Variants in C10orf67 observed in about 807,000 individuals in gnomAD.
C10orf67 encodes the protein uncharacterized protein C10orf67, mitochondrial.
In C10orf67, 60 loss-of-function variants were observed where a neutral mutation model predicts 35.6. That is an observed-to-expected ratio of 1.68 (90% CI 1.37 to 2.09). C10orf67 has a LOEUF of 2.09. Among genes scored for constraint, C10orf67 ranks in the 30% most tolerant of loss-of-function variants. The probability of loss-of-function intolerance (pLI) is 0.00; values close to 1 mark genes in which losing one functional copy is unlikely to be tolerated. For synonymous variants in C10orf67, 167 were observed against 115.8 expected, an observed-to-expected ratio of 1.44 and a Z score of -2.84; for missense variants, 474 against 330.2, an observed-to-expected ratio of 1.44 and a Z score of -3.38.
chr10:23,229,407 G>A (rs183981319), intron 13 of C10orf67, among the ~76,000 whole-genome samples: 391 of 131,718 alleles, frequency 3.0e-3, no homozygotes, highest in African/African-American at 0.01. Context: ...CACAGGAAGG[G>A]GGACATCATA....
At chr10:23,237,385 A>G (rs900548520) in intron 13 of C10orf67, among the ~76,000 whole-genome samples, 9 of 152,256 alleles carry the variant, frequency 5.9e-5, no homozygotes, top group Admixed American at 2.6e-4. Flanking sequence ...GCAGTTAAAC[A>G]CACACACTTC....
chr10:23,287,109 G>T (rs1460396630), intron 7 of C10orf67, among the ~76,000 whole-genome samples: 1 of 152,168 alleles, frequency 6.6e-6, no homozygotes, highest in Non-Finnish European at 1.5e-5. Context: ...ATTCTTCACA[G>T]AATTAGTAAA....
intron 13 of C10orf67, among the ~76,000 whole-genome samples, chr10:23,236,603 C>T (rs1451940721): frequency 2.0e-5 from 3 of 151,986 alleles, no homozygotes; most frequent in Non-Finnish European, 2.9e-5. Context: ...TTTGGCCGGG[C>T]GTGGTGGCTC....
chr10:23,205,248 C>T (rs1347971652), intron 15 of C10orf67, among the ~76,000 whole-genome samples: 1 of 152,156 alleles, frequency 6.6e-6, no homozygotes, highest in African/African-American at 2.4e-5. Flanking sequence ...TTTTCTTACT[C>T]AAAGCTTTCT....
chr10:23,323,282 C>T (rs2132346484), intron 2 of C10orf67, among the ~76,000 whole-genome samples: 1 of 152,234 alleles, frequency 6.6e-6, no homozygotes, highest in Middle Eastern at 3.4e-3. Flanking sequence ...TGACTAAGAA[C>T]CATTTGTAAT....
intron 13 of C10orf67, among the ~76,000 whole-genome samples, chr10:23,226,209 T>C (rs893139719): frequency 2.6e-5 from 4 of 152,228 alleles, no homozygotes; most frequent in South Asian, 4.2e-4. Flanking sequence ...CCTCAGCAAA[T>C]GTAAAAGAAC....
rs1323359262 is a variant in C10orf67 at position 23,267,240 on chromosome 10, T to C, written c.990A>G (p.Lys330=). ...SLVQDVINKQ[K]EDKEMRKKYG... is the part of the protein sequence containing the mutation. ...ACTTTTTTCTCATTTCCTTGTCCTC[T>C]TTCTGTTTATTAATCTGTAAAATTG... Residue 330 remains lysine (K), a synonymous_variant, in exon 9 of 16, where the codon AAA becomes AAG. Transcript: ENST00000636213. The C allele has an allele frequency of 1.4e-6, 1 of 715,896 alleles. No individual in the cohort carries two copies. The highest frequency in any genetic ancestry group is 1.5e-5 in the South Asian group (1 of 67,388). 44.3% of individuals were successfully genotyped at this position (715,896 alleles called of 1,614,324 possible). A position where few individuals can be genotyped will look rare whatever the true frequency, so the allele number is the denominator to read the frequency against.
intron 1 of C10orf67, among the ~76,000 whole-genome samples, chr10:23,337,810 G>T (rs1588713850): frequency 1.3e-5 from 2 of 152,062 alleles, no homozygotes; most frequent in African/African-American, 4.8e-5. Context: ...CCTCAAGCCT[G>T]ATTCACAGAT....
At chr10:23,214,277 A>G (rs1488070333) in intron 15 of C10orf67, among the ~76,000 whole-genome samples, 1 of 152,174 alleles carries the variant, frequency 6.6e-6, no homozygotes, top group East Asian at 1.9e-4. Context: ...ACAATAAATT[A>G]GAAGAATAAA....
intron 5 of C10orf67, among the ~76,000 whole-genome samples, chr10:23,299,597 G>A (rs1037165524): frequency 6.6e-6 from 1 of 152,172 alleles, no homozygotes; most frequent in African/African-American, 2.4e-5. Flanking sequence ...CAACTTAGTG[G>A]CTGGGAGAAG....
Position 23,239,759 on chromosome 10 carries a change from T to G in C10orf67, c.1404A>C (p.Ala468=), listed in dbSNP as rs893955980. The G allele has an allele frequency of 3.8e-5, 25 of 660,762 alleles. No individual in the cohort carries two copies. Among genetic ancestry groups the G allele is most frequent in the Non-Finnish European group, 5.8e-5 (20 of 343,442 alleles). The allele number at this position is 660,762 out of a possible 1,614,324, so 40.9% of individuals were successfully genotyped here. A position where few individuals can be genotyped will look rare whatever the true frequency, so the allele number is the denominator to read the frequency against. ...FTRHTLFRQF[A]VLADTSFNYI... ...AATTGAAGGATGTGTCAGCAAGCAC[T>G]GCAAACTGACGAAACAGTGTGTGCC... The change falls in exon 13 of 16, where the codon GCA becomes GCC. Residue 468 remains alanine, a synonymous_variant. Transcript: ENST00000636213.
chr10:23,234,972 A>G (rs1368006479), intron 13 of C10orf67, among the ~76,000 whole-genome samples: 3 of 136,432 alleles, frequency 2.2e-5, no homozygotes, highest in Admixed American at 8.8e-5. Context: ...AGATCGCACC[A>G]TTGCACTCCA....
chr10:23,203,427 A>G lies in C10orf67; in HGVS notation c.*746T>C, dbSNP rs1283211367. ...CCTGAGACTTAATAAATAACTGTAG[A>G]ATTCTGTAATCCAGAGCCTACGATT... On this transcript the variant is annotated 3_prime_UTR_variant, in exon 16 of 16. Transcript: ENST00000636213. 1 of 152,242 alleles carries G rather than the reference A, an allele frequency of 6.6e-6. No individual in the cohort carries two copies. Among genetic ancestry groups the G allele is most frequent in the Non-Finnish European group, 1.5e-5 (1 of 68,042 alleles). The allele number at this position is 152,242 out of a possible 1,614,324, so 9.4% of individuals were successfully genotyped here.
chr10:23,309,438 A>G (rs1300349985), intron 4 of C10orf67, among the ~76,000 whole-genome samples: 1 of 152,228 alleles, frequency 6.6e-6, no homozygotes, highest in Non-Finnish European at 1.5e-5. Flanking sequence ...CCTATTGAAT[A>G]CAATGTTCAA....
At chr10:23,243,851 T>G (rs1842246185) in intron 12 of C10orf67, among the ~76,000 whole-genome samples, 1 of 152,168 alleles carries the variant, frequency 6.6e-6, no homozygotes, top group South Asian at 2.1e-4. Context: ...ACTAGAACTA[T>G]AACTAGCTAA....
chr10:23,289,671 G>A (rs1305461778), intron 7 of C10orf67, among the ~76,000 whole-genome samples: 1 of 152,112 alleles, frequency 6.6e-6, no homozygotes, highest in African/African-American at 2.4e-5. Flanking sequence ...AAATCAACAA[G>A]GCAGATGGTC....
Position 23,263,869 on chromosome 10 carries a change from T to G in C10orf67, c.1200+2393A>C, listed in dbSNP as rs748458773. Among the ~76,000 whole-genome samples, 7 of 152,354 alleles carry G rather than the reference T, an allele frequency of 4.6e-5. No individual in the cohort carries two copies. The East Asian group carries it at 1.3e-3, about 29-fold the overall frequency. On this transcript the variant is annotated intron_variant, in intron 10 of 15. Coordinates refer to ENST00000636213, the MANE Select transcript of C10orf67 (RefSeq NM_001371909.1). ...CACTGTACAAATACAAATTTTATGT[T>G]GTGAAATCGTTCATTAATAGAAATC...
At chr10:23,219,325 G>A (rs1263896089) in intron 15 of C10orf67, among the ~76,000 whole-genome samples, 1 of 152,088 alleles carries the variant, frequency 6.6e-6, no homozygotes, top group Admixed American at 6.6e-5. Flanking sequence ...GTTACTTTGA[G>A]GTTTTATCTG....
At chr10:23,289,081 T>C (rs151266993) in intron 7 of C10orf67, among the ~76,000 whole-genome samples, 5 of 152,254 alleles carry the variant, frequency 3.3e-5, no homozygotes, top group African/African-American at 1.2e-4. Context: ...GCCCCACGTG[T>C]GCAGGGAGAG....
Sources: allele counts gnomAD v4.1 joint callset (sites outside exome capture counted in the v4.1 genomes callset), GRCh38; gene constraint gnomAD v4.1.1; transcripts MANE v1.5; gene names NCBI Gene and HGNC (gene_info 2026-07-23, HGNC 2026-07-21).